ARHGAP28: variants seen among roughly 807,000 people sequenced by gnomAD.
ARHGAP28 encodes rho GTPase-activating protein 28.
ARHGAP28 carries 56 observed loss-of-function variants against 90.7 expected under a neutral mutation model. The observed-to-expected ratio is 0.62, with a 90% CI of 0.50 to 0.77. The LOEUF (loss-of-function observed/expected upper bound fraction) is 0.77. Ranked by LOEUF, ARHGAP28 falls within the 30% of genes least tolerant of loss-of-function variation. ARHGAP28 has a pLI of 0.00. For synonymous variants in ARHGAP28, 308 were observed against 323.3 expected (o/e 0.95, Z 0.51); for missense variants, 869 against 900.9 (o/e 0.96, Z 0.45).
intron 5 of ARHGAP28, among the ~76,000 whole-genome samples, chr18:6,861,443 G>T (rs1456258612): frequency 6.6e-6 from 1 of 152,180 alleles, no homozygotes; most frequent in East Asian, 1.9e-4. Flanking sequence ...TCAAGTCATT[G>T]ATTTAAAATA....
At chr18:6,799,533 T>A (rs1242907090) in intron 1 of ARHGAP28, among the ~76,000 whole-genome samples, 1 of 152,018 alleles carries the variant, frequency 6.6e-6, no homozygotes, top group African/African-American at 2.4e-5. Flanking sequence ...CTAAAACAGA[T>A]ATATAGACCA....
chr18:6,824,400 G>C (rs2056646850), intron 1 of ARHGAP28, among the ~76,000 whole-genome samples: 1 of 151,984 alleles, frequency 6.6e-6, no homozygotes, highest in African/African-American at 2.4e-5. Context: ...AGCTGGGCGT[G>C]GTGGCGGGCA....
rs775486883 is a variant in ARHGAP28 at position 6,837,362 on chromosome 18, A to T, written c.491A>T (p.Asp164Val). The T allele has an allele frequency of 1.2e-6, 2 of 1,613,956 alleles. No individual in the cohort carries two copies. Among genetic ancestry groups the T allele is most frequent in the Non-Finnish European group, 1.7e-6 (2 of 1,180,014 alleles). ...TATACCCAAACCATGAGGAAAAAGG[A>T]TAAGCAATCTATCAGGGATGTCAGA... is the stretch of plus-strand genomic sequence containing the variant. Reference protein sequence around the residue: ...HTYTQTMRKKDKQSIRDVRDI... With the variant: ...HTYTQTMRKKVKQSIRDVRDI... Residue 164 changes from aspartate (D) to valine (V), a missense_variant, in exon 3 of 18, where the codon GAT (aspartate) becomes GTT (valine). Transcript: ENST00000383472.
At chr18:6,743,395 C>T (rs778998139) in intron 1 of ARHGAP28, among the ~76,000 whole-genome samples, 24 of 152,112 alleles carry the variant, frequency 1.6e-4, no homozygotes, top group Admixed American at 7.9e-4. Flanking sequence ...CCTCATCAGA[C>T]GGCCTGGCAC....
chr18:6,899,465 T>C (rs994788530), intron 16 of ARHGAP28, among the ~76,000 whole-genome samples: 1 of 152,002 alleles, frequency 6.6e-6, no homozygotes, highest in Non-Finnish European at 1.5e-5. Context: ...AGCCAAAGGA[T>C]TAGGTAAAGA....
intron 1 of ARHGAP28, among the ~76,000 whole-genome samples, chr18:6,792,243 C>G (rs1381038246): frequency 2.0e-5 from 3 of 152,148 alleles, no homozygotes; most frequent in African/African-American, 7.2e-5. Context: ...ATGATGGTTT[C>G]ATGTGTGAAT....
At position 6,744,413 on chromosome 18, in the gene ARHGAP28, A is replaced by G. The variant is rs150866173; in HGVS notation, c.122+14470A>G. On this transcript the variant is annotated intron_variant, in intron 1 of 17. Coordinates refer to ENST00000383472, the MANE Select transcript of ARHGAP28 (RefSeq NM_001366230.1). The stretch of plus-strand genomic sequence containing the variant: ...GGATTATGAGGGGCTCCATTAGTTG[A>G]CCTCAAGGGTCTTTTCTCATGCTTA... Among the ~76,000 whole-genome samples the G allele has an allele frequency of 1.5e-3, 224 of 152,242 alleles. 1 individual carries two copies. The highest frequency in any genetic ancestry group is 5.0e-3 in the African/African-American group (207 of 41,548).
At chr18:6,851,703 G>A (rs2056912332) in intron 4 of ARHGAP28, among the ~76,000 whole-genome samples, 1 of 152,058 alleles carries the variant, frequency 6.6e-6, no homozygotes, top group Non-Finnish European at 1.5e-5. Context: ...CCACAAAATG[G>A]AATATTACTC....
In ARHGAP28 at chr18:6,894,937, T is replaced by C. The variant is rs754600021; in HGVS notation, c.1905+46T>C. The C allele has an allele frequency of 1.2e-5, 18 of 1,550,382 alleles. No individual in the cohort carries two copies. The East Asian group carries it at 2.5e-4, about 21-fold the overall frequency. On this transcript the variant is annotated intron_variant, in intron 15 of 17. Transcript: ENST00000383472. ...TCCCTTCCATTAACTCCCTATATAG[T>C]CTTCTCTGGCGACATCCACCACATT...
At chr18:6,865,774 C>T (rs2057033689) in intron 5 of ARHGAP28, among the ~76,000 whole-genome samples, 1 of 152,108 alleles carries the variant, frequency 6.6e-6, no homozygotes, top group South Asian at 2.1e-4. Flanking sequence ...ATAATAACCC[C>T]TCATACTCTA....
At chr18:6,904,464 A>C (rs2143835291) in intron 16 of ARHGAP28, among the ~76,000 whole-genome samples, 1 of 152,326 alleles carries the variant, frequency 6.6e-6, no homozygotes, top group Admixed American at 6.5e-5. Context: ...TGCTGAGAGA[A>C]GAATTTATAG....
intron 1 of ARHGAP28, among the ~76,000 whole-genome samples, chr18:6,786,184 G>C (rs73382741): frequency 1.8e-4 from 27 of 152,136 alleles, no homozygotes; most frequent in Non-Finnish European, 3.4e-4. Flanking sequence ...TTATTCATTT[G>C]TACAAGCTAA....
intron 1 of ARHGAP28, among the ~76,000 whole-genome samples, chr18:6,818,936 C>G (rs2143734841): frequency 6.6e-6 from 1 of 152,308 alleles, no homozygotes; most frequent in South Asian, 2.1e-4. Context: ...CAAGGGGAAG[C>G]TACGTGTCCC....
Position 6,760,104 on chromosome 18 carries a change from A to C in ARHGAP28, c.122+30161A>C, listed in dbSNP as rs1427324552. On this transcript the variant is annotated intron_variant, in intron 1 of 17. Transcript: ENST00000383472. ...ATATCCTAACTATGCCTGCCTATGT[A>C]AGTTCAAACACACACACACACACAA... 2.6e-5 allele frequency among the ~76,000 whole-genome samples: 4 copies of C among 152,182 alleles called. No homozygotes were observed. The East Asian group carries it at 7.7e-4, about 29-fold the overall frequency.
At position 6,898,402 on chromosome 18, in the gene ARHGAP28, C is replaced by T. The variant is rs774677443; in HGVS notation, c.2030+1776C>T. 17 of 1,054,496 alleles carry T rather than the reference C, an allele frequency of 1.6e-5. No individual in the cohort carries two copies. The East Asian group carries it at 4.0e-4, about 25-fold the overall frequency. The allele number at this position is 1,054,496 out of a possible 1,614,324, so 65.3% of individuals were successfully genotyped here. ...TATATATAATATATACACATATACA[C>T]ACACACATTAACCCGTTTTCCACTT... On this transcript the variant is annotated intron_variant, in intron 16 of 17. Coordinates refer to ENST00000383472, the MANE Select transcript of ARHGAP28 (RefSeq NM_001366230.1).
rs1312160599 is a variant in ARHGAP28 at position 6,912,372 on chromosome 18, A to T, written c.*218A>T. On this transcript the variant is annotated 3_prime_UTR_variant, in exon 18 of 18. Transcript: ENST00000383472. ...ATGACTTTTTTTTTTATAAAAGTAA[A>T]GGAAAGATGATGTGGTCCTTCCAGA... The T allele has an allele frequency of 3.0e-6, 1 of 331,808 alleles. No homozygotes were observed. The highest frequency in any genetic ancestry group is 5.5e-6 in the Non-Finnish European group (1 of 180,428). The allele number at this position is 331,808 out of a possible 1,614,324, so 20.6% of individuals were successfully genotyped here.
In ARHGAP28 at chr18:6,912,088, T is replaced by C; in HGVS notation, c.2124T>C (p.Tyr708=). 1 of 1,607,116 alleles carries C rather than the reference T, an allele frequency of 6.2e-7. No individual in the cohort carries two copies. Among genetic ancestry groups the C allele is most frequent in the Admixed American group, 1.7e-5 (1 of 59,520 alleles). The change falls in exon 18 of 18, where the codon TAT becomes TAC. Residue 708 remains tyrosine (Y), a synonymous_variant. Transcript: ENST00000383472. ...AGCATTGCTTGGATCCAGATGCTTATATATTGGATGTATATCGTATAAATC... is the reference window on the plus strand; with the variant it reads ...AGCATTGCTTGGATCCAGATGCTTACATATTGGATGTATATCGTATAAATC... ...IGEHCLDPDA[Y]ILDVYRINPQ... is the part of the protein sequence containing the mutation.
At chr18:6,877,412 T>C (rs1297706184) in intron 10 of ARHGAP28, among the ~76,000 whole-genome samples, 1 of 152,144 alleles carries the variant, frequency 6.6e-6, no homozygotes, top group Admixed American at 6.5e-5. Flanking sequence ...CTGGGCAGAA[T>C]GGGCAAGGCC....
At chr18:6,880,427 C>A (rs1333571825) in intron 10 of ARHGAP28, among the ~76,000 whole-genome samples, 1 of 152,154 alleles carries the variant, frequency 6.6e-6, no homozygotes, top group Non-Finnish European at 1.5e-5. Flanking sequence ...TTCCACCCAC[C>A]CGACCTATGC....
Sources: gnomAD v4.1 joint callset for allele counts (sites outside exome capture counted in the v4.1 genomes callset) on GRCh38, gnomAD v4.1.1 for gene constraint, MANE v1.5 for transcripts, NCBI Gene and HGNC (gene_info 2026-07-23, HGNC 2026-07-21) for gene names.